IPCEF1: variants seen among roughly 807,000 people sequenced by gnomAD.
IPCEF1 encodes interactor protein for cytohesin exchange factors 1.
IPCEF1 carries 31 observed loss-of-function variants against 50.9 expected under a neutral mutation model. The observed-to-expected ratio is 0.61, with a 90% CI of 0.46 to 0.82. The LOEUF (loss-of-function observed/expected upper bound fraction) is 0.82, where lower values mean the gene tolerates loss of function less well. IPCEF1 is among the 40% of genes least tolerant of loss of function. IPCEF1 has a pLI of 0.00. For missense variants in IPCEF1, 458 were observed against 514.0 expected (o/e 0.89, Z 1.05); for synonymous variants, 181 against 192.0 (o/e 0.94, Z 0.47).
chr6:154,354,415 A>ACCACCACCTCCACCATCT (rs1784169966), intron 1 of IPCEF1, among the ~76,000 whole-genome samples: 19 of 46,718 alleles, frequency 4.1e-4, no homozygotes, highest in African/African-American at 7.6e-4. Context: ...CTCCACCACC[A>ACCACCACCTCCACCATCT]CCTCCACCAC....
intron 1 of IPCEF1, among the ~76,000 whole-genome samples, chr6:154,354,607 A>G (rs1188013148): frequency 1.4e-5 from 2 of 147,460 alleles, no homozygotes; most frequent in Non-Finnish European, 3.0e-5. Flanking sequence ...TTCCACCATC[A>G]CCTCCCCTAC....
At chr6:154,195,895 A>C (rs1349149589) in intron 10 of IPCEF1, among the ~76,000 whole-genome samples, 2 of 150,836 alleles carry the variant, frequency 1.3e-5, no homozygotes, top group African/African-American at 4.9e-5. Context: ...AGGTTCAAGC[A>C]ATTCTCCTGC....
chr6:154,338,714 A>C (rs139566573), intron 1 of IPCEF1, among the ~76,000 whole-genome samples: 165 of 152,256 alleles, frequency 1.1e-3, no homozygotes, highest in African/African-American at 3.5e-3. Context: ...AGAACCCAGG[A>C]GTTTGAGACT....
chr6:154,343,318 G>T (rs1048028411), intron 1 of IPCEF1, among the ~76,000 whole-genome samples: 5 of 150,452 alleles, frequency 3.3e-5, no homozygotes, highest in Admixed American at 6.7e-5. Context: ...CTACAAAAGG[G>T]AAATAAGTGA....
chr6:154,274,160 T>A (rs1264291959), intron 2 of IPCEF1, among the ~76,000 whole-genome samples: 6 of 152,136 alleles, frequency 3.9e-5, no homozygotes, highest in Non-Finnish European at 7.4e-5. Context: ...CTTCCCTTTT[T>A]TATTGTTGTC....
intron 1 of IPCEF1, among the ~76,000 whole-genome samples, chr6:154,305,238 ACC>A (rs748520213): frequency 2.2e-4 from 34 of 152,184 alleles, no homozygotes; most frequent in Non-Finnish European, 4.1e-4. Flanking sequence ...GGGACAAAAA[ACC>A]AGTAGGAGGT....
intron 2 of IPCEF1, among the ~76,000 whole-genome samples, chr6:154,267,872 C>G (rs1203071098): frequency 6.6e-6 from 1 of 152,204 alleles, no homozygotes; most frequent in African/African-American, 2.4e-5. Flanking sequence ...GGCAGCTCCT[C>G]CCTGCAGCTG....
At chr6:154,185,464 C>G (rs1262942089) in intron 10 of IPCEF1, among the ~76,000 whole-genome samples, 1 of 152,172 alleles carries the variant, frequency 6.6e-6, no homozygotes, top group African/African-American at 2.4e-5. Flanking sequence ...CCAAACTTTA[C>G]AAATCAGTTC....
At chr6:154,264,239 T>G (rs902972891) in intron 3 of IPCEF1, among the ~76,000 whole-genome samples, 1 of 150,776 alleles carries the variant, frequency 6.6e-6, no homozygotes, top group Non-Finnish European at 1.5e-5. Context: ...GACTTCTTTT[T>G]TTTTAAAGAA....
chr6:154,180,414 A>ATATATATTTTTTTT (rs1241250621), intron 10 of IPCEF1, among the ~76,000 whole-genome samples: 2 of 65,264 alleles, frequency 3.1e-5, no homozygotes, highest in African/African-American at 9.6e-5. Flanking sequence ...ATATATATAT[A>ATATATATTTTTTTT]TTTTTTTTTT....
At chr6:154,334,937 G>C (rs1783757278) in intron 1 of IPCEF1, among the ~76,000 whole-genome samples, 1 of 152,082 alleles carries the variant, frequency 6.6e-6, no homozygotes, top group Non-Finnish European at 1.5e-5. Context: ...AGCATAAGAT[G>C]AAGCTAAAGT....
At chr6:154,167,830 C>T (rs566875086) in intron 11 of IPCEF1, 90 bp downstream of exon 11, 1 of 972,366 alleles carries the variant, frequency 1.0e-6, no homozygotes, top group African/African-American at 1.6e-5. Context: ...ACCACACAAA[C>T]ATGCTGTGAT....
At position 154,299,756 on chromosome 6, in the gene IPCEF1, C is replaced by T. The variant is rs992866655; in HGVS notation, c.-61-10000G>A. 9.4e-5 allele frequency among the ~76,000 whole-genome samples: 13 copies of T among 138,050 alleles called. 1 individual carries two copies. Among genetic ancestry groups the T allele is most frequent in the South Asian group, 4.5e-4 (2 of 4,398 alleles). The allele number at this position is 138,050 out of a possible 152,430, so 90.6% of individuals were successfully genotyped here. Reference sequence around the variant, plus strand: ...TGCACATGTATCCTGGAACTTAAAACGAAATAAAATAAAAAATTAAAGATG... The same window carrying T: ...TGCACATGTATCCTGGAACTTAAAATGAAATAAAATAAAAAATTAAAGATG... On this transcript the variant is annotated intron_variant, in intron 1 of 11. Coordinates refer to ENST00000367220, the MANE Select transcript of IPCEF1 (RefSeq NM_001130700.2).
intron 5 of IPCEF1, among the ~76,000 whole-genome samples, chr6:154,232,471 T>C (rs1186090306): frequency 6.6e-6 from 1 of 152,176 alleles, no homozygotes; most frequent in Non-Finnish European, 1.5e-5. Flanking sequence ...GTGCCAGACC[T>C]AGAACACCAA....
At chr6:154,180,402 ATATATATATATATT>A (rs1165552863) in intron 10 of IPCEF1, among the ~76,000 whole-genome samples, 3 of 138,674 alleles carry the variant, frequency 2.2e-5, no homozygotes, top group Admixed American at 7.1e-5. Flanking sequence ...ATATATATAT[ATATATATATATATT>A]TTTTTTTTAA....
intron 3 of IPCEF1, among the ~76,000 whole-genome samples, chr6:154,253,108 G>A (rs68102488): frequency 0.23 from 34,183 of 151,892 alleles, 4,556 homozygotes; most frequent in Admixed American, 0.43. Context: ...TTATCTCTCT[G>A]TGTACTCCTT....
At chr6:154,280,274 C>G (rs933076742) in intron 2 of IPCEF1, among the ~76,000 whole-genome samples, 10 of 152,052 alleles carry the variant, frequency 6.6e-5, no homozygotes, top group Admixed American at 5.2e-4. Flanking sequence ...ACAACCAGAA[C>G]AAAAAACAGG....
intron 1 of IPCEF1, among the ~76,000 whole-genome samples, chr6:154,291,974 C>T (rs535593253): frequency 4.6e-5 from 7 of 152,152 alleles, no homozygotes; most frequent in South Asian, 4.2e-4. Flanking sequence ...TGAGCCATCG[C>T]GCCTGGCCAC....
rs1285820897 is a variant in IPCEF1 at position 154,263,852 on chromosome 6, G to T, written c.36+2060C>A. 4.7e-5 allele frequency among the ~76,000 whole-genome samples: 2 copies of T among 42,406 alleles called. 1 individual carries two copies. Among genetic ancestry groups the T allele is most frequent in the Non-Finnish European group, 9.9e-5 (2 of 20,176 alleles). The allele number at this position is 42,406 out of a possible 152,430, so 27.8% of individuals were successfully genotyped here. ...CAGAGGCGCCCCTCACCTCCCGGACGGGGCGGCTGGCCGGGCGGGGGGCTG... is the reference window on the plus strand; with the variant it reads ...CAGAGGCGCCCCTCACCTCCCGGACTGGGCGGCTGGCCGGGCGGGGGGCTG... On this transcript the variant is annotated intron_variant, in intron 3 of 11. Coordinates refer to ENST00000367220, the MANE Select transcript of IPCEF1 (RefSeq NM_001130700.2).
Sources: gnomAD v4.1 joint callset for allele counts (sites outside exome capture counted in the v4.1 genomes callset) on GRCh38, gnomAD v4.1.1 for gene constraint, MANE v1.5 for transcripts, NCBI Gene and HGNC (gene_info 2026-07-23, HGNC 2026-07-21) for gene names.